Variants in EPHA7 observed in about 807,000 individuals in gnomAD.
The protein encoded by EPHA7 is ephrin type-A receptor 7.
Under a neutral mutation model 112.6 loss-of-function variants are expected in EPHA7, and 25 were observed. The ratio of observed to expected loss-of-function variants is 0.22; its 90% confidence interval spans 0.16 to 0.31. The LOEUF (loss-of-function observed/expected upper bound fraction) is 0.31, where lower values mean the gene tolerates loss of function less well. EPHA7 is among the 10% of genes least tolerant of loss of function. The pLI is 1.00. For missense variants in EPHA7, 962 were observed against 1,212.6 expected, an observed-to-expected ratio of 0.79 and a Z score of 3.07; for synonymous variants, 437 against 406.5, an observed-to-expected ratio of 1.07 and a Z score of -0.90.
intron 5 of EPHA7, among the ~76,000 whole-genome samples, chr6:93,306,882 GA>G (rs1404644622): frequency 6.6e-6 from 1 of 151,774 alleles, no homozygotes; most frequent in Non-Finnish European, 1.5e-5. Flanking sequence ...TCTAGAAGGA[GA>G]AAAAAACTCT....
In EPHA7 at chr6:93,331,161, C is replaced by T. The variant is rs147373828; in HGVS notation, c.1324+25556G>A. On this transcript the variant is annotated intron_variant, in intron 5 of 16. Transcript: ENST00000369303. The stretch of plus-strand genomic sequence containing the variant: ...TAAATCTGTAAAAGTTTAGTTATAA[C>T]TTTGGCAACAAAAGTATAAGTTACA... Among the ~76,000 whole-genome samples the T allele has an allele frequency of 2.8e-3, 427 of 151,468 alleles. 5 individuals carry two copies. The highest frequency in any genetic ancestry group is 1.9e-3 in the Non-Finnish European group (130 of 67,530).
chr6:93,349,821 T>C (rs904435674), intron 5 of EPHA7, among the ~76,000 whole-genome samples: 3 of 151,904 alleles, frequency 2.0e-5, no homozygotes, highest in Non-Finnish European at 4.4e-5. Flanking sequence ...CATTAAATCA[T>C]TGAAAAGAGA....
At chr6:93,267,524 T>C (rs1203008158) in intron 7 of EPHA7, among the ~76,000 whole-genome samples, 1 of 151,764 alleles carries the variant, frequency 6.6e-6, no homozygotes, top group East Asian at 1.9e-4. Context: ...GAGTGCCTTC[T>C]GTGCCTGAAA....
chr6:93,258,087 A>C lies in EPHA7; in HGVS notation c.2110+12T>G, dbSNP rs1221958854. ...GTCTTTTTGATAAAATAAAGATATA[A>C]CCAATATCTACCTCTTGTAACAACC... is the stretch of plus-strand genomic sequence containing the variant. On this transcript the variant is annotated intron_variant, in intron 11 of 16. Transcript: ENST00000369303. 6.2e-7 allele frequency: 1 copy of C among 1,603,820 alleles called. No homozygotes were observed. Among genetic ancestry groups the C allele is most frequent in the Non-Finnish European group, 8.5e-7 (1 of 1,172,136 alleles).
At chr6:93,254,543 A>T (rs978325163) in intron 14 of EPHA7, 104 bp downstream of exon 14, 1 of 816,028 alleles carries the variant, frequency 1.2e-6, no homozygotes. Context: ...CTGTATTTTT[A>T]TAATTATTTA....
At chr6:93,261,125 T>G (rs1354216775) in intron 9 of EPHA7, among the ~76,000 whole-genome samples, 1 of 151,556 alleles carries the variant, frequency 6.6e-6, no homozygotes, top group Non-Finnish European at 1.5e-5. Context: ...CTGCCCAGCT[T>G]GGATTTGAAG....
chr6:93,301,553 T>C (rs1453682358), intron 5 of EPHA7, among the ~76,000 whole-genome samples: 2 of 152,150 alleles, frequency 1.3e-5, no homozygotes, highest in Non-Finnish European at 2.9e-5. Flanking sequence ...ATAGCGATTT[T>C]TTTACAGACA....
chr6:93,306,257 A>G (rs1229445482), intron 5 of EPHA7, among the ~76,000 whole-genome samples: 1 of 151,964 alleles, frequency 6.6e-6, no homozygotes, highest in Non-Finnish European at 1.5e-5. Flanking sequence ...ATGTATTGAG[A>G]AGTTTACATT....
At chr6:93,292,506 T>G (rs574556787) in intron 5 of EPHA7, among the ~76,000 whole-genome samples, 3 of 151,984 alleles carry the variant, frequency 2.0e-5, no homozygotes, top group African/African-American at 7.3e-5. Flanking sequence ...GTGTTTTTTT[T>G]TGGGGGGGCG....
intron 14 of EPHA7, among the ~76,000 whole-genome samples, chr6:93,248,988 G>GTTAA (rs1770085312): frequency 6.6e-6 from 1 of 152,098 alleles, no homozygotes; most frequent in African/African-American, 2.4e-5. Flanking sequence ...TTATCTCATA[G>GTTAA]TTAAGTCTTT....
intron 3 of EPHA7, among the ~76,000 whole-genome samples, chr6:93,390,650 T>C (rs772592218): frequency 6.6e-6 from 1 of 151,118 alleles, no homozygotes; most frequent in Non-Finnish European, 1.5e-5. Flanking sequence ...ACAATTAGAG[T>C]GTCTGAAGAC....
rs1769756782 is a variant in EPHA7 at position 93,243,152 on chromosome 6, T to C, written c.*274A>G. ...AAAAGTCTATAAGACAAAAAGGAGG[T>C]TAGAGAGCTCAAGGTGTTTGGATGT... On this transcript the variant is annotated 3_prime_UTR_variant, in exon 17 of 17. Transcript: ENST00000369303. The C allele has an allele frequency of 3.3e-6, 1 of 307,396 alleles. No homozygotes were observed. Among genetic ancestry groups the C allele is most frequent in the African/African-American group, 2.1e-5 (1 of 47,146 alleles). 19.0% of individuals were successfully genotyped at this position (307,396 alleles called of 1,614,324 possible). A position where few individuals can be genotyped will look rare whatever the true frequency, so the allele number is the denominator to read the frequency against.
At chr6:93,407,077 A>T (rs1778756300) in intron 3 of EPHA7, among the ~76,000 whole-genome samples, 2 of 152,032 alleles carry the variant, frequency 1.3e-5, no homozygotes, top group Admixed American at 1.3e-4. Context: ...ATTAGACTTG[A>T]GAAGCATTTG....
chr6:93,397,378 T>A (rs1257222260), intron 3 of EPHA7, among the ~76,000 whole-genome samples: 1 of 151,890 alleles, frequency 6.6e-6, no homozygotes, highest in Non-Finnish European at 1.5e-5. Context: ...CTTCTTCCAA[T>A]ATGGGAGCCA....
At position 93,419,538 on chromosome 6, in the gene EPHA7, T is replaced by C; in HGVS notation, c.-197A>G. ...GTTCGCTCGCACCGTGTTTGCTGCC[T>C]GCAAGTCTCCGACTGCAGACCGGCC... On this transcript the variant is annotated 5_prime_UTR_variant, in exon 1 of 17. Transcript: ENST00000369303. 3.8e-6 allele frequency: 2 copies of C among 528,186 alleles called. No individual in the cohort carries two copies. The highest frequency in any genetic ancestry group is 6.6e-6 in the Non-Finnish European group (2 of 302,824). 32.7% of individuals were successfully genotyped at this position (528,186 alleles called of 1,614,324 possible).
chr6:93,419,145 C>T, intron 1 of EPHA7, 100 bp downstream of exon 1: 2 of 949,506 alleles, frequency 2.1e-6, no homozygotes, highest in Non-Finnish European at 1.5e-6. Flanking sequence ...GGTCGCCCGG[C>T]GCCGGAGGCG....
intron 4 of EPHA7, among the ~76,000 whole-genome samples, chr6:93,357,801 G>T (rs1363459326): frequency 6.6e-6 from 1 of 151,846 alleles, no homozygotes; most frequent in African/African-American, 2.4e-5. Context: ...TTACAGGTGG[G>T]CGCCACCACT....
In EPHA7 at chr6:93,272,324, C is replaced by G. The variant is rs762787694; in HGVS notation, c.1423G>C (p.Glu475Gln). 3 of 1,612,000 alleles carry G rather than the reference C, an allele frequency of 1.9e-6. No homozygotes were observed. Among genetic ancestry groups the G allele is most frequent in the Admixed American group, 3.3e-5 (2 of 59,894 alleles). The change falls in exon 6 of 17, where the codon GAA (glutamate) becomes CAA (glutamine). Residue 475 changes from glutamate (E) to glutamine (Q), a missense_variant. Physicochemically the swap from Glu to Gln is conservative, Grantham distance 29. Around this residue, in one of 3 missense-constraint regions of EPHA7, gnomAD observed 746 missense variants for 889.2 expected, o/e 0.84. Coordinates refer to ENST00000369303, the MANE Select transcript of EPHA7 (RefSeq NM_004440.4). Reference sequence around the variant, plus strand: ...TTCTCGTAATACTTGATTTCATATTCTGTGATGACTCCATTGGGATGCTCT... The same window carrying G: ...TTCTCGTAATACTTGATTTCATATTGTGTGATGACTCCATTGGGATGCTCT... ...EPEHPNGVITEYEIKYYEKDQ... is the reference protein window; with the variant it reads ...EPEHPNGVITQYEIKYYEKDQ...
intron 5 of EPHA7, among the ~76,000 whole-genome samples, chr6:93,334,950 A>G (rs1774788317): frequency 6.6e-6 from 1 of 152,206 alleles, no homozygotes; most frequent in South Asian, 2.1e-4. Context: ...ATAGGACAAC[A>G]CAAGTGTGAA....
Sources: gnomAD v4.1 joint callset for allele counts (sites outside exome capture counted in the v4.1 genomes callset) on GRCh38, gnomAD v4.1.1 for gene constraint, gnomAD v4.1.1 regional missense constraint, MANE v1.5 for transcripts, NCBI Gene and HGNC (gene_info 2026-07-23, HGNC 2026-07-21) for gene names.